Variants in WDR7 observed in about 807,000 individuals in gnomAD.
WDR7 encodes WD repeat domain 7.
Under a neutral mutation model 169.4 loss-of-function variants are expected in WDR7, and 46 were observed. That is an observed-to-expected ratio of 0.27 (90% CI 0.21 to 0.35). WDR7 has a LOEUF of 0.35. Ranked by LOEUF, WDR7 falls within the 10% of genes least tolerant of loss-of-function variation. The pLI, the probability that WDR7 is intolerant of heterozygous loss-of-function variation, is 1.00. For missense variants in WDR7, 1,534 were observed against 1,859.3 expected (o/e 0.83, Z 3.22); for synonymous variants, 612 against 666.8 (o/e 0.92, Z 1.27).
intron 19 of WDR7, among the ~76,000 whole-genome samples, chr18:56,805,678 A>G (rs2044761930): frequency 6.6e-6 from 1 of 151,902 alleles, no homozygotes; most frequent in South Asian, 2.1e-4. Context: ...CTTATCCCCA[A>G]ATCTCAGGTA....
intron 21 of WDR7, among the ~76,000 whole-genome samples, chr18:56,921,926 A>AAAATG (rs1443900859): frequency 6.6e-6 from 1 of 152,208 alleles, no homozygotes; most frequent in Non-Finnish European, 1.5e-5. Flanking sequence ...AATGAATACA[A>AAAATG]AAATGGTAAA....
Position 56,880,154 on chromosome 18 carries a change from C to G in WDR7, c.3515C>G (p.Ala1172Gly), listed in dbSNP as rs773660280. 103 of 1,613,538 alleles carry G rather than the reference C, an allele frequency of 6.4e-5. No individual in the cohort carries two copies. The highest frequency in any genetic ancestry group is 8.3e-5 in the Non-Finnish European group (98 of 1,179,764). The change falls in exon 21 of 28, where the codon GCC (alanine) becomes GGC (glycine). Residue 1172 changes from alanine to glycine, a missense_variant. By Grantham distance (60) the Ala-to-Gly change is moderately conservative. Coordinates refer to ENST00000254442, the MANE Select transcript of WDR7 (RefSeq NM_015285.3). ...LTSGGSNYSL[A>G]RHTCKALTFL... ...AGTGGTGGATCCAACTACTCGCTGG[C>G]CAGACATACTTGTAAGTTTTAAAAC...
intron 20 of WDR7, among the ~76,000 whole-genome samples, chr18:56,856,434 T>A (rs1487984605): frequency 6.6e-6 from 1 of 152,136 alleles, no homozygotes; most frequent in Non-Finnish European, 1.5e-5. Flanking sequence ...CTCTGGAGGC[T>A]GAGGCACAAG....
At chr18:56,705,193 A>G (rs1017219342) in intron 12 of WDR7, among the ~76,000 whole-genome samples, 4 of 152,118 alleles carry the variant, frequency 2.6e-5, no homozygotes, top group Admixed American at 1.3e-4. Flanking sequence ...TAAGTGTAGT[A>G]TTCAGTTTGG....
intron 20 of WDR7, among the ~76,000 whole-genome samples, chr18:56,864,904 C>G (rs201432043): frequency 1.3e-5 from 2 of 151,808 alleles, no homozygotes; most frequent in African/African-American, 2.4e-5. Flanking sequence ...AAGAAAGACA[C>G]TGGGTTTTAT....
At chr18:56,709,075 A>G (rs1277608514) in intron 12 of WDR7, among the ~76,000 whole-genome samples, 1 of 152,230 alleles carries the variant, frequency 6.6e-6, no homozygotes, top group East Asian at 1.9e-4. Flanking sequence ...GCATGAAGTG[A>G]AAAATAAAGT....
chr18:57,024,560 GATA>G (rs2048333302), intron 27 of WDR7, among the ~76,000 whole-genome samples: 1 of 143,974 alleles, frequency 6.9e-6, no homozygotes, highest in Non-Finnish European at 1.5e-5. Context: ...TGTGAGCTAT[GATA>G]GTTATGTCCC....
intron 1 of WDR7, among the ~76,000 whole-genome samples, chr18:56,658,299 TC>T (rs1247145889): frequency 6.6e-6 from 1 of 152,120 alleles, no homozygotes; most frequent in African/African-American, 2.4e-5. Context: ...AGACAGGGTT[TC>T]ACCATGTTGG....
chr18:56,879,971 A>G lies in WDR7; in HGVS notation c.3332A>G (p.Lys1111Arg), dbSNP rs771854842. 2.7e-5 allele frequency: 44 copies of G among 1,613,994 alleles called. 1 individual carries two copies. In the South Asian group the frequency reaches 4.7e-4, roughly 17 times the overall value. ...TGCLSSVPQM[K>R]KISTSYEERR... ...TGCTTATCAAGTGTCCCACAAATGA[A>G]AAAAATTTCTACATCTTACGAGGAA... Residue 1111 changes from lysine (K) to arginine (R), a missense_variant, in exon 21 of 28, where the codon AAA (lysine) becomes AGA (arginine). By Grantham distance (26) the Lys-to-Arg change is conservative. Coordinates refer to ENST00000254442, the MANE Select transcript of WDR7 (RefSeq NM_015285.3).
In WDR7 at chr18:56,778,736, GAA is replaced by G. The variant is rs566919646; in HGVS notation, c.2948-691_2948-690del. Among the ~76,000 whole-genome samples, 169 of 152,184 alleles carry G rather than the reference GAA, an allele frequency of 1.1e-3. 1 individual carries two copies. Among genetic ancestry groups the G allele is most frequent in the African/African-American group, 4.0e-3 (166 of 41,538 alleles). On this transcript the variant is annotated intron_variant, in intron 17 of 27. Transcript: ENST00000254442. ...TTCCATATTGTGAATTAGAATTTTAGAAAAAGTCACTTTTATTGTCATAGATT... is the reference window on the plus strand; with the variant it reads ...TTCCATATTGTGAATTAGAATTTTAGAAAGTCACTTTTATTGTCATAGATT...
intron 19 of WDR7, among the ~76,000 whole-genome samples, chr18:56,808,574 G>T (rs1270179460): frequency 2.0e-5 from 3 of 152,032 alleles, no homozygotes; most frequent in Non-Finnish European, 1.5e-5. Flanking sequence ...TTTCCATATT[G>T]GTTAAAGTGC....
chr18:57,021,396 A>G lies in WDR7; in HGVS notation c.4269+547A>G, dbSNP rs1201448550. ...ACTTGGTCCCTGGGTCTGTGACTCT[A>G]ACAGGGTGTAGGGCATAGGATAATA... is the stretch of plus-strand genomic sequence containing the variant. On this transcript the variant is annotated intron_variant, in intron 27 of 27. Transcript: ENST00000254442. 2.6e-5 allele frequency among the ~76,000 whole-genome samples: 4 copies of G among 152,030 alleles called. No homozygotes were observed. In the East Asian group the frequency reaches 7.7e-4, roughly 29 times the overall value.
chr18:56,869,353 G>A (rs928998471), intron 20 of WDR7, among the ~76,000 whole-genome samples: 5 of 152,178 alleles, frequency 3.3e-5, no homozygotes, highest in African/African-American at 1.2e-4. Context: ...AGAACCTATT[G>A]TGTTCCAGCA....
At chr18:56,970,244 T>C (rs1259651154) in intron 26 of WDR7, among the ~76,000 whole-genome samples, 1 of 150,128 alleles carries the variant, frequency 6.7e-6, no homozygotes. Flanking sequence ...TTGTTTTTTT[T>C]TTTGCTGTTT....
At chr18:57,009,336 C>G (rs2048106865) in intron 26 of WDR7, among the ~76,000 whole-genome samples, 1 of 152,126 alleles carries the variant, frequency 6.6e-6, no homozygotes, top group Non-Finnish European at 1.5e-5. Flanking sequence ...AGAAGGTATT[C>G]ATTCTAGATC....
chr18:56,717,573 A>C (rs755996117), intron 12 of WDR7, among the ~76,000 whole-genome samples: 4 of 152,210 alleles, frequency 2.6e-5, no homozygotes, highest in Non-Finnish European at 5.9e-5. Context: ...AGACAGAAAG[A>C]AGCACTGCAG....
rs190945811 is a variant in WDR7 at position 56,777,269 on chromosome 18, A to G, written c.2947+389A>G. On this transcript the variant is annotated intron_variant, in intron 17 of 27. Transcript: ENST00000254442. ...CTTTGCTGCCTTTTCACAATTGTGT[A>G]TGCCAGTTAGAGGGAGTTGTGAGGG... Among the ~76,000 whole-genome samples the G allele has an allele frequency of 2.6e-5, 4 of 152,314 alleles. No homozygotes were observed. The East Asian group carries it at 7.7e-4, about 29-fold the overall frequency.
chr18:56,967,131 C>T (rs1401101435), intron 26 of WDR7, among the ~76,000 whole-genome samples: 2 of 152,112 alleles, frequency 1.3e-5, no homozygotes, highest in Non-Finnish European at 2.9e-5. Context: ...CTGGAGACAT[C>T]TAGGCTTTTG....
chr18:56,700,663 G>T (rs1233412654), intron 12 of WDR7, among the ~76,000 whole-genome samples: 1 of 147,018 alleles, frequency 6.8e-6, no homozygotes, highest in African/African-American at 2.5e-5. Flanking sequence ...TCCGCCTCCC[G>T]GGTTCACGCC....
Sources: gnomAD v4.1 joint callset for allele counts (sites outside exome capture counted in the v4.1 genomes callset) on GRCh38, gnomAD v4.1.1 for gene constraint, MANE v1.5 for transcripts, NCBI Gene and HGNC (gene_info 2026-07-23, HGNC 2026-07-21) for gene names.